PFKL: variants seen among roughly 807,000 people sequenced by gnomAD.
PFKL encodes phosphofructokinase, liver type, also known as ATP-dependent 6-phosphofructokinase, liver type.
In PFKL, 74 loss-of-function variants were observed where a neutral mutation model predicts 92.1. The observed-to-expected ratio is 0.80, with a 90% CI of 0.67 to 0.97. PFKL has a LOEUF of 0.97. Among genes scored for constraint, PFKL ranks in the 50% least tolerant of loss-of-function variants. The pLI, the probability that PFKL is intolerant of heterozygous loss-of-function variation, is 0.00. For synonymous variants in PFKL, 494 were observed against 456.4 expected, an observed-to-expected ratio of 1.08 and a Z score of -1.05; for missense variants, 1,028 against 1,116.6, an observed-to-expected ratio of 0.92 and a Z score of 1.13.
chr21:44,318,549 C>T lies in PFKL; in HGVS notation c.1016C>T (p.Ser339Leu), dbSNP rs1419851208. Residue 339 changes from serine to leucine, a missense_variant, in exon 10 of 22, where the codon TCG becomes TTG. Transcript: ENST00000349048. ...PDTPACVVTLSGNQSVRLPLM... is the reference protein window; with the variant it reads ...PDTPACVVTLLGNQSVRLPLM... ...ACGCCGGCCTGCGTGGTCACCCTCT[C>T]GGGGAACCAGTCAGTGCGGCTGCCC... The T allele has an allele frequency of 3.8e-6, 6 of 1,576,006 alleles. No individual in the cohort carries two copies. Among genetic ancestry groups the T allele is most frequent in the Admixed American group, 1.7e-5 (1 of 57,694 alleles).
At position 44,313,254 on chromosome 21, in the gene PFKL, A is replaced by G; in HGVS notation, c.593+111A>G. On this transcript the variant is annotated intron_variant, in intron 5 of 21. Transcript: ENST00000349048. Reference sequence around the variant, plus strand: ...AAGGGCAGTGGACTCTGGTAGCCCCAGCATCCAGGCCAGCCGCCCTCAGCC... The same window carrying G: ...AAGGGCAGTGGACTCTGGTAGCCCCGGCATCCAGGCCAGCCGCCCTCAGCC... 5 of 1,249,526 alleles carry G rather than the reference A, an allele frequency of 4.0e-6. No homozygotes were observed. The South Asian group carries it at 6.7e-5, about 17-fold the overall frequency. 77.4% of individuals were successfully genotyped at this position (1,249,526 alleles called of 1,614,324 possible). A position where few individuals can be genotyped will look rare whatever the true frequency, so the allele number is the denominator to read the frequency against.
intron 11 of PFKL, chr21:44,319,732 G>T (rs1203713026): frequency 3.8e-6 from 2 of 532,798 alleles, no homozygotes; most frequent in African/African-American, 1.9e-5. Context: ...GCAGATGTTG[G>T]GTGTGGGTAC....
chr21:44,324,757 G>A, intron 17 of PFKL, 99 bp from the exon 18 acceptor site: 13 of 1,567,382 alleles, frequency 8.3e-6, no homozygotes, highest in Non-Finnish European at 1.0e-5. Flanking sequence ...GGGCAGGTGG[G>A]ACGCGTAGCC....
rs773467421 is a variant in PFKL, at chr21:44,326,157, A to G, written c.2090-2A>G. 6.2e-7 allele frequency: 1 copy of G among 1,612,092 alleles called. No individual in the cohort carries two copies. The highest frequency in any genetic ancestry group is 8.5e-7 in the Non-Finnish European group (1 of 1,179,276). On this transcript the variant is annotated splice_acceptor_variant, in intron 20 of 21. Coordinates refer to ENST00000349048, the MANE Select transcript of PFKL (RefSeq NM_002626.6). LOFTEE classifies it high-confidence loss of function. ...AGGGCTGCCACGTGCCTCTGTTTGC[A>G]GGACGGGTGTTCGCCAATGCCCCAG...
At chr21:44,324,317 GGTCCT>G in intron 16 of PFKL, 169 bp from the exon 17 acceptor site, 1 of 651,896 alleles carries the variant, frequency 1.5e-6, no homozygotes, top group Non-Finnish European at 2.6e-6. Context: ...GAGAACCCCT[GGTCCT>G]GTGGGGCCCA....
intron 9 of PFKL, 128 bp from the exon 10 acceptor site, chr21:44,318,342 C>T (rs1235239709): frequency 2.9e-6 from 3 of 1,017,780 alleles, no homozygotes; most frequent in East Asian, 2.9e-5. Context: ...TCTGATGCCA[C>T]CTGTTCTGGA....
At chr21:44,319,704 CG>C in intron 11 of PFKL, 1 of 537,246 alleles carries the variant, frequency 1.9e-6, no homozygotes, top group East Asian at 3.1e-5. Context: ...GGTGGCCCCG[CG>C]GGGGCTGGGA....
intron 17 of PFKL, 40 bp from the exon 18 acceptor site, chr21:44,324,816 C>T (rs548112987): frequency 2.5e-6 from 4 of 1,596,682 alleles, no homozygotes; most frequent in Admixed American, 3.5e-5. Flanking sequence ...AATTCCCTCC[C>T]CACAGTCCTC....
intron 1 of PFKL, 34 bp downstream of exon 1, chr21:44,300,224 G>A (rs1254879561): frequency 6.0e-6 from 6 of 1,002,922 alleles, no homozygotes; most frequent in South Asian, 8.6e-5. Context: ...CGCGGCGCAG[G>A]GGGTGGAGGG....
intron 10 of PFKL, 117 bp downstream of exon 10, chr21:44,318,712 T>G: frequency 1.9e-5 from 15 of 801,690 alleles, no homozygotes; most frequent in Admixed American, 4.3e-5. Context: ...CAGGGCCTCG[T>G]GGCTGGCCCA....
At chr21:44,323,484 C>G (rs112838287) in intron 15 of PFKL, among the ~76,000 whole-genome samples, 3,913 of 152,204 alleles carry the variant, frequency 0.026, 145 homozygotes, top group African/African-American at 0.079. Flanking sequence ...AAATGACAGC[C>G]CTTCCCCCTT....
At chr21:44,301,189 T>C (rs1893208) in intron 1 of PFKL, among the ~76,000 whole-genome samples, 52,240 of 152,090 alleles carry the variant, frequency 0.34, 10,070 homozygotes, top group African/African-American at 0.52. Flanking sequence ...CGGCCTTGAG[T>C]GGGACCAAGC....
At position 44,312,095 on chromosome 21, in the gene PFKL, C is replaced by T. The variant is rs2146456373; in HGVS notation, c.238-10C>T. ...CATCTCTCCTGAAGTTTCTGGTCTC[C>T]TCTGTGCAGGGCGGCACTATCATTG... On this transcript the variant is annotated splice_polypyrimidine_tract_variant and intron_variant, in intron 3 of 21. Transcript: ENST00000349048. 2.7e-6 allele frequency: 4 copies of T among 1,480,180 alleles called. No homozygotes were observed. The South Asian group carries it at 4.1e-5, about 15-fold the overall frequency. 91.7% of individuals were successfully genotyped at this position (1,480,180 alleles called of 1,614,324 possible).
At position 44,327,313 on chromosome 21, in the gene PFKL, A is replaced by C. The variant is rs550425764; in HGVS notation, c.*451A>C. 10 of 184,048 alleles carry C rather than the reference A, an allele frequency of 5.4e-5. No individual in the cohort carries two copies. The East Asian group carries it at 1.3e-3, about 24-fold the overall frequency. The allele number at this position is 184,048 out of a possible 1,614,324, so 11.4% of individuals were successfully genotyped here. On this transcript the variant is annotated 3_prime_UTR_variant, in exon 22 of 22. Coordinates refer to ENST00000349048, the MANE Select transcript of PFKL (RefSeq NM_002626.6). ...TGACCTGCTCCTGCCCACGTGCAGC[A>C]CCTGTCACCTTTTCTAGAAATAAAA...
intron 2 of PFKL, among the ~76,000 whole-genome samples, chr21:44,307,848 C>G (rs1346990999): frequency 6.6e-6 from 1 of 152,220 alleles, no homozygotes; most frequent in East Asian, 1.9e-4. Context: ...GCTCGACCTT[C>G]AGTTTCTTCT....
Position 44,323,919 on chromosome 21 carries a change from G to T in PFKL, c.1650+1G>T. On this transcript the variant is annotated splice_donor_variant, in intron 16 of 21. Coordinates refer to ENST00000349048, the MANE Select transcript of PFKL (RefSeq NM_002626.6). LOFTEE classifies it high-confidence loss of function. Reference sequence around the variant, plus strand: ...CACTGCTGTAAATGCCGCCATGGAGGTACGGGGCTCCTGGACACCGGCCTG... The same window carrying T: ...CACTGCTGTAAATGCCGCCATGGAGTTACGGGGCTCCTGGACACCGGCCTG... 6.2e-7 allele frequency: 1 copy of T among 1,613,252 alleles called. No homozygotes were observed. The highest frequency in any genetic ancestry group is 8.5e-7 in the Non-Finnish European group (1 of 1,179,898).
chr21:44,317,601 G>C (rs576228550), intron 9 of PFKL, among the ~76,000 whole-genome samples: 64 of 152,328 alleles, frequency 4.2e-4, no homozygotes, highest in Middle Eastern at 3.4e-3. Context: ...GATGCCGGGT[G>C]TGAAACAAAG....
intron 4 of PFKL, among the ~76,000 whole-genome samples, chr21:44,312,673 T>C (rs1483805313): frequency 1.3e-5 from 2 of 152,238 alleles, no homozygotes; most frequent in Non-Finnish European, 2.9e-5. Context: ...AGTCCCGAGA[T>C]TGCTGCTTGG....
Position 44,321,734 on chromosome 21 carries a change from C to A in PFKL, c.1197C>A (p.Asn399Lys). ...AHQKPPKEKS[N>K]FSLAILNVGA... Reference sequence around the variant, plus strand: ...ATCTCCCCTTCTCTCTGAAGTCTAACTTCTCCCTGGCCATCCTGAATGTGG... The same window carrying A: ...ATCTCCCCTTCTCTCTGAAGTCTAAATTCTCCCTGGCCATCCTGAATGTGG... The change falls in exon 13 of 22, where the codon AAC (asparagine) becomes AAA (lysine). Residue 399 changes from asparagine to lysine, a missense_variant. By Grantham distance (94) the Asn-to-Lys change is moderately conservative (BLOSUM62 0). Coordinates refer to ENST00000349048, the MANE Select transcript of PFKL (RefSeq NM_002626.6). 6.4e-7 allele frequency: 1 copy of A among 1,568,372 alleles called. No homozygotes were observed. Among genetic ancestry groups the A allele is most frequent in the Non-Finnish European group, 8.6e-7 (1 of 1,157,302 alleles).
Sources: allele counts gnomAD v4.1 joint callset (sites outside exome capture counted in the v4.1 genomes callset), GRCh38; gene constraint gnomAD v4.1.1; transcripts MANE v1.5; gene names NCBI Gene and HGNC (gene_info 2026-07-23, HGNC 2026-07-21).